Variants in SYNE1 observed in about 807,000 individuals in gnomAD.
SYNE1 encodes spectrin repeat containing nuclear envelope protein 1, also known as nesprin-1.
In SYNE1, 616 loss-of-function variants were observed where a neutral mutation model predicts 1,111.0. The ratio of observed to expected loss-of-function variants is 0.55; its 90% CI spans 0.52 to 0.59. The LOEUF is 0.59. SYNE1 is among the 20% of genes least tolerant of loss of function. The pLI, the probability that SYNE1 is intolerant of heterozygous loss-of-function variation, is 0.00. For missense variants in SYNE1, 10,006 were observed against 10,417.0 expected, an observed-to-expected ratio of 0.96 and a Z score of 1.72; for synonymous variants, 3,855 against 3,825.8, an observed-to-expected ratio of 1.01 and a Z score of -0.28.
intron 34 of SYNE1, 123 bp from the exon 35 acceptor site, chr6:152,430,832 A>G (rs1401011048): frequency 9.4e-6 from 9 of 957,972 alleles, no homozygotes; most frequent in Non-Finnish European, 1.5e-5. Flanking sequence ...GGATGGTTAG[A>G]GCGCAGCTGT....
At chr6:152,262,251 T>C in intron 100 of SYNE1, 63 bp from the exon 101 acceptor site, 1 of 1,459,286 alleles carries the variant, frequency 6.9e-7, no homozygotes, top group Non-Finnish European at 9.6e-7. Flanking sequence ...GACAGGTAAC[T>C]TATTGTGTGT....
At chr6:152,186,343 G>A (rs895432497) in intron 128 of SYNE1, among the ~76,000 whole-genome samples, 6 of 151,928 alleles carry the variant, frequency 3.9e-5, no homozygotes, top group African/African-American at 1.5e-4. Flanking sequence ...GATCACCTGG[G>A]GTCGGGAGTT....
Position 152,428,324 on chromosome 6 carries a change from A to G in SYNE1, c.4857T>C (p.Val1619=). ...CCTGAACACAGGAATCTCTGTTCACAACCTTCCTGGCACTGGCTGAGAAGG... is the reference window on the plus strand; with the variant it reads ...CCTGAACACAGGAATCTCTGTTCACGACCTTCCTGGCACTGGCTGAGAAGG... ...ITAFSASARK[V]VNRDSCVQEA... is the part of the protein sequence containing the mutation. Residue 1619 remains valine (V), a synonymous_variant, in exon 37 of 146, where the codon GTT becomes GTC. Transcript: ENST00000367255. The G allele has an allele frequency of 6.2e-7, 1 of 1,614,114 alleles. No homozygotes were observed. The highest frequency in any genetic ancestry group is 2.2e-5 in the East Asian group (1 of 44,872).
In SYNE1 at chr6:152,385,842, G is replaced by T; in HGVS notation, c.8488-4C>A. The T allele has an allele frequency of 1.2e-6, 2 of 1,613,744 alleles. No homozygotes were observed. The highest frequency in any genetic ancestry group is 2.2e-5 in the East Asian group (1 of 44,832). On this transcript the variant is annotated splice_region_variant and splice_polypyrimidine_tract_variant and intron_variant, in intron 54 of 145. Transcript: ENST00000367255. Reference sequence around the variant, plus strand: ...CTTCCACTTTCCTCATTTTTTCCTAGTAAACAAAGAAAAGACTACCTTAAC... The same window carrying T: ...CTTCCACTTTCCTCATTTTTTCCTATTAAACAAAGAAAAGACTACCTTAAC...
chr6:152,589,420 C>T (rs1288609005), intron 3 of SYNE1, among the ~76,000 whole-genome samples: 4 of 151,776 alleles, frequency 2.6e-5, no homozygotes, highest in Non-Finnish European at 5.9e-5. Context: ...AAGTAAAAAC[C>T]TGTTAGTGTG....
chr6:152,253,474 T>G (rs983247554), intron 104 of SYNE1, among the ~76,000 whole-genome samples: 1 of 152,130 alleles, frequency 6.6e-6, no homozygotes, highest in African/African-American at 2.4e-5. Flanking sequence ...GATTTGACAG[T>G]TGAGGATACC....
chr6:152,278,474 AT>A (rs914195404), intron 97 of SYNE1, among the ~76,000 whole-genome samples, 194 bp from the exon 98 acceptor site: 4 of 150,266 alleles, frequency 2.7e-5, no homozygotes, highest in African/African-American at 9.8e-5. Context: ...ATTTATTTTT[AT>A]TTTTTTAGAC....
At position 152,206,204 on chromosome 6, in the gene SYNE1, C is replaced by T. The variant is rs2076479551; in HGVS notation, c.22983G>A (p.Leu7661=). 6.2e-7 allele frequency: 1 copy of T among 1,613,510 alleles called. No individual in the cohort carries two copies. Residue 7661 remains leucine (L), a synonymous_variant, in exon 126 of 146, where the codon CTG becomes CTA. Transcript: ENST00000367255. ...AGGCTAGTTTTTTCTTCTGTTCTTC[C>T]AGCCGCATGCTGGCTGATTTCCATT... ...QEKWKSASMR[L]EEQKKKLAFL...
intron 131 of SYNE1, among the ~76,000 whole-genome samples, chr6:152,159,137 G>A (rs894870282): frequency 2.0e-5 from 3 of 152,032 alleles, no homozygotes; most frequent in African/African-American, 7.2e-5. Context: ...TTTTTAGTAG[G>A]GACAGAATCA....
chr6:152,415,810 A>AG lies in SYNE1; in HGVS notation c.6050+576_6050+577insC, dbSNP rs1243165797. On this transcript the variant is annotated intron_variant, in intron 41 of 145. Transcript: ENST00000367255. ...GTGGTAAAAAAAAAAAAAAAAAAAAAAAAAAGAAGAGGAAGAAGAAATTGC... is the reference window on the plus strand; with the variant it reads ...GTGGTAAAAAAAAAAAAAAAAAAAAAGAAAAAGAAGAGGAAGAAGAAATTGC... 2.0e-5 allele frequency among the ~76,000 whole-genome samples: 3 copies of AG among 150,536 alleles called. No individual in the cohort carries two copies. The East Asian group carries it at 5.8e-4, about 29-fold the overall frequency.
chr6:152,416,430 T>C lies in SYNE1; in HGVS notation c.6007A>G (p.Lys2003Glu). 6.2e-7 allele frequency: 1 copy of C among 1,614,180 alleles called. No individual in the cohort carries two copies. The highest frequency in any genetic ancestry group is 1.1e-5 in the South Asian group (1 of 91,086). ...CGGGTAGGTTCTTTCAATCGCTCTT[T>C]GTCAGTCCTTTCTTCAATGTCCTCA... ...SIEDIEERTD[K>E]ERLKEPTRQA... The change falls in exon 41 of 146, where the codon AAA becomes GAA. Residue 2003 changes from lysine (K) to glutamate (E), a missense_variant. Around this residue, in one of 7 missense-constraint regions of SYNE1, gnomAD observed 4,955 missense variants for 5,017.2 expected, o/e 0.99. Coordinates refer to ENST00000367255, the MANE Select transcript of SYNE1 (RefSeq NM_182961.4).
chr6:152,177,926 T>G (rs1233340800), intron 129 of SYNE1, among the ~76,000 whole-genome samples: 2 of 152,160 alleles, frequency 1.3e-5, no homozygotes, highest in Non-Finnish European at 1.5e-5. Context: ...TTCCTTCATC[T>G]TATTAGCACT....
chr6:152,165,062 A>G (rs1298913835), intron 130 of SYNE1, among the ~76,000 whole-genome samples: 2 of 143,102 alleles, frequency 1.4e-5, no homozygotes, highest in East Asian at 4.5e-4. Flanking sequence ...TAGAGTCATC[A>G]GATATTCGCG....
At chr6:152,302,518 C>T (rs2153815349) in intron 91 of SYNE1, among the ~76,000 whole-genome samples, 2 of 152,362 alleles carry the variant, frequency 1.3e-5, no homozygotes, top group East Asian at 1.9e-4. Context: ...CTACTGAGTA[C>T]ATTCAACAGA....
chr6:152,599,310 A>T (rs1163565184), intron 3 of SYNE1, among the ~76,000 whole-genome samples: 1 of 152,184 alleles, frequency 6.6e-6, no homozygotes, highest in East Asian at 1.9e-4. Flanking sequence ...CTCTTTGTGC[A>T]GTACTATTTG....
Position 152,463,388 on chromosome 6 carries a change from C to G in SYNE1, c.2062G>C (p.Gly688Arg), listed in dbSNP as rs1386198337. The change falls in exon 19 of 146, where the codon GGG (glycine) becomes CGG (arginine). Residue 688 changes from glycine to arginine, a missense_variant. Physicochemically the swap from Gly to Arg is moderately radical, Grantham distance 125. Coordinates refer to ENST00000367255, the MANE Select transcript of SYNE1 (RefSeq NM_182961.4). ...DLKQQLLLLN[G>R]RWRELFMEVK... ...TCCATAAACAACTCCCTCCACCGCC[C>G]ATTTAGCAACAGTAATTGCTGCTTC... 1 of 1,613,796 alleles carries G rather than the reference C, an allele frequency of 6.2e-7. No homozygotes were observed. The highest frequency in any genetic ancestry group is 1.7e-5 in the Admixed American group (1 of 59,980).
At chr6:152,204,781 T>A (rs547868301) in intron 126 of SYNE1, among the ~76,000 whole-genome samples, 2 of 152,290 alleles carry the variant, frequency 1.3e-5, no homozygotes, top group East Asian at 1.9e-4. Flanking sequence ...AAATATCTAT[T>A]AAAGTGGATG....
rs6928363 is a variant in SYNE1 at position 152,224,959 on chromosome 6, G to A, written c.21352-295C>T. Among the ~76,000 whole-genome samples the A allele has an allele frequency of 0.58, 84,499 of 144,988 alleles. 25,356 individuals carry two copies. The highest frequency in any genetic ancestry group is 0.84 in the East Asian group (4,238 of 5,030). On this transcript the variant is annotated intron_variant, in intron 116 of 145. Coordinates refer to ENST00000367255, the MANE Select transcript of SYNE1 (RefSeq NM_182961.4). ...TACATATGTATACACATATATATGT[G>A]TATATATATATACATATATGTATAT...
intron 3 of SYNE1, among the ~76,000 whole-genome samples, chr6:152,580,985 C>T (rs1326232268): frequency 6.6e-6 from 1 of 152,206 alleles, no homozygotes; most frequent in Non-Finnish European, 1.5e-5. Context: ...TGTAATGTTG[C>T]TCTTCTCTTG....
Sources: gnomAD v4.1 joint callset for allele counts (sites outside exome capture counted in the v4.1 genomes callset) on GRCh38, gnomAD v4.1.1 for gene constraint, gnomAD v4.1.1 regional missense constraint, MANE v1.5 for transcripts, NCBI Gene and HGNC (gene_info 2026-07-23, HGNC 2026-07-21) for gene names.